Variants in RIMS1 observed in about 807,000 individuals in gnomAD.
RIMS1 encodes regulating synaptic membrane exocytosis protein 1.
RIMS1 carries 83 observed loss-of-function variants against 214.1 expected under a neutral mutation model. The ratio of observed to expected loss-of-function variants is 0.39; its 90% CI spans 0.32 to 0.47. The LOEUF is 0.47. RIMS1 is among the 20% of genes least tolerant of loss of function. The probability of loss-of-function intolerance (pLI) is 0.99; values close to 1 mark genes in which losing one functional copy is unlikely to be tolerated. For missense variants in RIMS1, 2,050 were observed against 2,161.8 expected (o/e 0.95, Z 1.03); for synonymous variants, 793 against 786.8 (o/e 1.01, Z -0.13).
intron 29 of RIMS1, among the ~76,000 whole-genome samples, chr6:72,335,439 G>A (rs2096809840): frequency 6.6e-6 from 1 of 151,984 alleles, no homozygotes; most frequent in African/African-American, 2.4e-5. Flanking sequence ...ATTCCATTGT[G>A]TATGTGTGCC....
intron 1 of RIMS1, among the ~76,000 whole-genome samples, chr6:71,960,566 A>G (rs1792639525): frequency 6.6e-6 from 1 of 152,164 alleles, no homozygotes. Context: ...GGGTCGTGGA[A>G]CAAAACAGGC....
chr6:72,399,223 A>G (rs1188486744), intron 33 of RIMS1, 129 bp downstream of exon 33: 1 of 587,724 alleles, frequency 1.7e-6, no homozygotes, highest in Non-Finnish European at 2.6e-6. Context: ...TGAGTAGACA[A>G]AATTCAAATG....
chr6:72,095,478 C>A (rs2031250330), intron 2 of RIMS1, among the ~76,000 whole-genome samples: 1 of 152,102 alleles, frequency 6.6e-6, no homozygotes, highest in Non-Finnish European at 1.5e-5. Context: ...ACATATATTC[C>A]TTTATGAAGT....
In RIMS1 at chr6:72,390,744, C is replaced by CT; in HGVS notation, c.4505+9dup. On this transcript the variant is annotated intron_variant, in intron 30 of 33. Coordinates refer to ENST00000521978, the MANE Select transcript of RIMS1 (RefSeq NM_014989.7). ...TTACAGCTCTGAGGGCAAGTAAGTG[C>CT]TGTCAGCACGTCTGCATGGCTGTGG... is the stretch of plus-strand genomic sequence containing the variant. 6.2e-7 allele frequency: 1 copy of CT among 1,613,336 alleles called. No individual in the cohort carries two copies. The highest frequency in any genetic ancestry group is 1.3e-5 in the African/African-American group (1 of 75,034).
intron 4 of RIMS1, chr6:72,155,957 T>C (rs1248113116): frequency 4.7e-6 from 1 of 212,546 alleles, no homozygotes; most frequent in Non-Finnish European, 1.0e-5. Flanking sequence ...TATCAAAATG[T>C]TAGAAGATAA....
At chr6:72,288,416 A>G (rs2092773756) in intron 24 of RIMS1, among the ~76,000 whole-genome samples, 1 of 152,114 alleles carries the variant, frequency 6.6e-6, no homozygotes, top group Admixed American at 6.5e-5. Context: ...ATGACCCTAT[A>G]TTGATGCTCA....
intron 2 of RIMS1, among the ~76,000 whole-genome samples, chr6:72,039,278 T>G (rs1412837177): frequency 6.6e-6 from 1 of 152,124 alleles, no homozygotes; most frequent in Non-Finnish European, 1.5e-5. Context: ...AGAAACCAAT[T>G]TAATGATTCT....
At chr6:71,888,386 A>T (rs775392478) in intron 1 of RIMS1, among the ~76,000 whole-genome samples, 5 of 152,154 alleles carry the variant, frequency 3.3e-5, no homozygotes, top group Non-Finnish European at 7.3e-5. Flanking sequence ...TGAAGAGCCA[A>T]AAGGAACCTG....
In RIMS1 at chr6:71,920,993, T is replaced by A. The variant is rs1000034511; in HGVS notation, c.164+33806T>A. 5.3e-5 allele frequency among the ~76,000 whole-genome samples: 8 copies of A among 152,336 alleles called. No individual in the cohort carries two copies. In the East Asian group the frequency reaches 1.5e-3, roughly 29 times the overall value. On this transcript the variant is annotated intron_variant, in intron 1 of 33. Transcript: ENST00000521978. ...TTGCACATGTAATTCATATTAATAA[T>A]AACCAAAGCCATTCTTCTAGAAGTC...
At chr6:72,108,596 A>G (rs1461148630) in intron 4 of RIMS1, among the ~76,000 whole-genome samples, 1 of 152,096 alleles carries the variant, frequency 6.6e-6, no homozygotes, top group Non-Finnish European at 1.5e-5. Flanking sequence ...ACTGTGGGTT[A>G]ACTACAAGTA....
intron 6 of RIMS1, among the ~76,000 whole-genome samples, chr6:72,232,464 GC>G (rs2062358196): frequency 6.6e-6 from 1 of 151,530 alleles, no homozygotes; most frequent in South Asian, 2.1e-4. Context: ...AACTGAGGTG[GC>G]CCAGTAGGAG....
Position 72,259,127 on chromosome 6 carries a change from A to C in RIMS1, c.3053+16A>C, listed in dbSNP as rs376135892. On this transcript the variant is annotated intron_variant, in intron 18 of 33. Coordinates refer to ENST00000521978, the MANE Select transcript of RIMS1 (RefSeq NM_014989.7). ...AACAAGACAGGTATTTGTCAAAATT[A>C]TGATCTCAACGTTATGAATTTTTTG... The C allele has an allele frequency of 6.2e-7, 1 of 1,608,168 alleles. No homozygotes were observed. Among genetic ancestry groups the C allele is most frequent in the African/African-American group, 1.3e-5 (1 of 74,764 alleles).
At chr6:72,198,318 A>T (rs2051334452) in intron 6 of RIMS1, among the ~76,000 whole-genome samples, 1 of 117,312 alleles carries the variant, frequency 8.5e-6, no homozygotes, top group Non-Finnish European at 1.7e-5. Flanking sequence ...ATGGAACTGG[A>T]GGTTATTATG....
Position 72,237,868 on chromosome 6 carries a change from A to G in RIMS1, c.1903A>G (p.Ile635Val), listed in dbSNP as rs2064911157. Residue 635 changes from isoleucine to valine, a missense_variant, in exon 9 of 34, where the codon ATC becomes GTC. Around this residue, in one of 6 missense-constraint regions of RIMS1, gnomAD observed 111 missense variants for 166.2 expected, o/e 0.67. Transcript: ENST00000521978. ...MTDLGRLGAFITKVKKGSLAD... is the reference protein window; with the variant it reads ...MTDLGRLGAFVTKVKKGSLAD... ...TGACTTAGGACGACTTGGTGCTTTC[A>G]TCACCAAAGTAAAGAAGGGTAGCCT... 6.2e-7 allele frequency: 1 copy of G among 1,613,578 alleles called. No individual in the cohort carries two copies. The highest frequency in any genetic ancestry group is 8.5e-7 in the Non-Finnish European group (1 of 1,179,680).
chr6:72,253,511 G>A (rs796377136), intron 16 of RIMS1, among the ~76,000 whole-genome samples: 45 of 152,106 alleles, frequency 3.0e-4, no homozygotes, highest in African/African-American at 9.9e-4. Flanking sequence ...TACTTTCTTG[G>A]CACTAATTCT....
chr6:71,886,816 G>C lies in RIMS1; in HGVS notation c.-208G>C. 1.6e-6 allele frequency: 1 copy of C among 612,944 alleles called. No homozygotes were observed. The highest frequency in any genetic ancestry group is 2.0e-5 in the South Asian group (1 of 50,436). The allele number at this position is 612,944 out of a possible 1,614,324, so 38.0% of individuals were successfully genotyped here. A position where few individuals can be genotyped will look rare whatever the true frequency, so the allele number is the denominator to read the frequency against. On this transcript the variant is annotated 5_prime_UTR_variant, in exon 1 of 34. Transcript: ENST00000521978. ...GACCAAAACAAAGGCAGCATCCGGG[G>C]CTGGGTGGATGCAAACAACCATGAA...
At chr6:72,053,951 A>C (rs6940578) in intron 2 of RIMS1, among the ~76,000 whole-genome samples, 12,310 of 152,056 alleles carry the variant, frequency 0.081, 548 homozygotes, top group African/African-American at 0.1. Context: ...GATACAAATG[A>C]AGAATGTGTA....
chr6:72,007,417 C>G (rs1584742360), intron 2 of RIMS1, among the ~76,000 whole-genome samples: 1 of 152,226 alleles, frequency 6.6e-6, no homozygotes, highest in Non-Finnish European at 1.5e-5. Context: ...CTCAGAGTGT[C>G]TCTCCTCCTC....
In RIMS1 at chr6:71,886,915, GC is replaced by G; in HGVS notation, c.-107del. The stretch of plus-strand genomic sequence containing the variant: ...CGCCGCCGCTGCTCCTCCTCCTGCC[GC>G]CGCCGCTAGGGCTCCGCTGTGAGGG... On this transcript the variant is annotated 5_prime_UTR_variant, in exon 1 of 34. The change abolishes the stop of an existing upstream ORF in the 5' untranslated region. Transcript: ENST00000521978. 1 of 1,339,592 alleles carries G rather than the reference GC, an allele frequency of 7.5e-7. No homozygotes were observed. Among genetic ancestry groups the G allele is most frequent in the Non-Finnish European group, 1.0e-6 (1 of 975,914 alleles). 83.0% of individuals were successfully genotyped at this position (1,339,592 alleles called of 1,614,324 possible).
Sources: gnomAD v4.1 joint callset for allele counts (sites outside exome capture counted in the v4.1 genomes callset) on GRCh38, gnomAD v4.1.1 for gene constraint, gnomAD v4.1.1 regional missense constraint, MANE v1.5 for transcripts, NCBI Gene and HGNC (gene_info 2026-07-23, HGNC 2026-07-21) for gene names.